Variants in ERC2 observed in about 807,000 individuals in gnomAD.
ERC2 encodes ELKS/RAB6-interacting/CAST family member 2, also known as ERC protein 2.
ERC2 carries 42 observed loss-of-function variants against 114.8 expected under a neutral mutation model. The ratio of observed to expected loss-of-function variants is 0.37; its 90% CI spans 0.29 to 0.47. The LOEUF (loss-of-function observed/expected upper bound fraction) is 0.47. Among genes scored for constraint, ERC2 ranks in the 20% least tolerant of loss-of-function variants. The probability of loss-of-function intolerance (pLI) is 0.99; values close to 1 mark genes in which losing one functional copy is unlikely to be tolerated. For missense variants in ERC2, 939 were observed against 1,150.7 expected, an observed-to-expected ratio of 0.82 and a Z score of 2.66; for synonymous variants, 454 against 425.5, an observed-to-expected ratio of 1.07 and a Z score of -0.82.
chr3:55,715,838 A>G (rs918625494), intron 15 of ERC2, among the ~76,000 whole-genome samples: 4 of 152,206 alleles, frequency 2.6e-5, no homozygotes, highest in African/African-American at 9.6e-5. Flanking sequence ...TCAAGGGAAT[A>G]TACTTCAAAT....
At chr3:56,113,741 C>T (rs558542312) in intron 6 of ERC2, among the ~76,000 whole-genome samples, 17 of 152,316 alleles carry the variant, frequency 1.1e-4, no homozygotes, top group Non-Finnish European at 1.8e-4. Flanking sequence ...GCCCCCCACC[C>T]TCCCACTTCA....
At chr3:56,001,641 T>A (rs949018084) in intron 10 of ERC2, among the ~76,000 whole-genome samples, 2 of 152,130 alleles carry the variant, frequency 1.3e-5, no homozygotes, top group Non-Finnish European at 2.9e-5. Context: ...GTCACTGATA[T>A]TTCTAGAAAT....
chr3:56,353,289 C>T (rs2058619181), intron 2 of ERC2, among the ~76,000 whole-genome samples: 1 of 151,942 alleles, frequency 6.6e-6, no homozygotes, highest in Non-Finnish European at 1.5e-5. Context: ...GAAGCTGTCC[C>T]AAGGAGGCTC....
intron 1 of ERC2, among the ~76,000 whole-genome samples, chr3:56,444,840 T>C (rs1268531804): frequency 2.0e-5 from 3 of 152,180 alleles, no homozygotes; most frequent in African/African-American, 7.2e-5. Flanking sequence ...CAACTTAAAA[T>C]ATCCTTTTTT....
intron 2 of ERC2, among the ~76,000 whole-genome samples, chr3:56,419,961 T>C (rs2061324083): frequency 6.6e-6 from 1 of 152,188 alleles, no homozygotes; most frequent in African/African-American, 2.4e-5. Flanking sequence ...AAGCAAGTTC[T>C]AAATCTGGCC....
At chr3:56,191,909 C>T (rs2047814474) in intron 3 of ERC2, among the ~76,000 whole-genome samples, 1 of 152,130 alleles carries the variant, frequency 6.6e-6, no homozygotes, top group South Asian at 2.1e-4. Context: ...TTCCTCCCAT[C>T]CTGTACTTTG....
intron 13 of ERC2, among the ~76,000 whole-genome samples, chr3:55,909,284 C>T (rs1453107220): frequency 6.6e-6 from 1 of 152,216 alleles, no homozygotes; most frequent in Non-Finnish European, 1.5e-5. Flanking sequence ...TCCTTGGCCA[C>T]ATCAGGACAG....
chr3:55,674,629 G>A (rs2061701182), intron 17 of ERC2, among the ~76,000 whole-genome samples: 1 of 152,180 alleles, frequency 6.6e-6, no homozygotes, highest in African/African-American at 2.4e-5. Context: ...GATACAATGT[G>A]CAGCGAGGGG....
At chr3:55,860,962 C>T (rs1417873550) in intron 14 of ERC2, among the ~76,000 whole-genome samples, 5 of 152,288 alleles carry the variant, frequency 3.3e-5, no homozygotes, top group South Asian at 4.2e-4. Context: ...CAGTCTGCAA[C>T]GGGGGAAATC....
intron 2 of ERC2, among the ~76,000 whole-genome samples, chr3:56,426,636 C>T (rs2061579978): frequency 6.6e-6 from 1 of 152,176 alleles, no homozygotes; most frequent in Non-Finnish European, 1.5e-5. Context: ...GTACATTTGG[C>T]ATCTGTGATC....
At chr3:56,275,694 A>T (rs1251142158) in intron 3 of ERC2, among the ~76,000 whole-genome samples, 1 of 152,088 alleles carries the variant, frequency 6.6e-6, no homozygotes, top group Non-Finnish European at 1.5e-5. Flanking sequence ...TAGCTAGCAA[A>T]CTCCCAGAAG....
intron 17 of ERC2, among the ~76,000 whole-genome samples, chr3:55,604,204 C>T (rs561664539): frequency 6.6e-6 from 1 of 152,188 alleles, no homozygotes; most frequent in African/African-American, 2.4e-5. Context: ...AGGGCCAGAT[C>T]TGTGTGAAGT....
chr3:56,163,009 C>T (rs1342831809), intron 4 of ERC2, among the ~76,000 whole-genome samples: 1 of 151,990 alleles, frequency 6.6e-6, no homozygotes, highest in Non-Finnish European at 1.5e-5. Context: ...CTTAGCACTA[C>T]AAACTTTCCT....
chr3:56,065,931 C>G (rs2076459261), intron 7 of ERC2, among the ~76,000 whole-genome samples: 1 of 152,142 alleles, frequency 6.6e-6, no homozygotes, highest in Non-Finnish European at 1.5e-5. Flanking sequence ...ACCACATTTT[C>G]TTTATCCAGT....
chr3:56,254,646 G>A (rs543121496), intron 3 of ERC2, among the ~76,000 whole-genome samples: 11 of 152,260 alleles, frequency 7.2e-5, no homozygotes, highest in African/African-American at 2.4e-4. Context: ...GTCCCGGGCC[G>A]GGATCTGAAA....
At chr3:56,287,085 A>G (rs1224833366) in intron 3 of ERC2, among the ~76,000 whole-genome samples, 1 of 152,190 alleles carries the variant, frequency 6.6e-6, no homozygotes, top group Non-Finnish European at 1.5e-5. Context: ...TGGAAACCCA[A>G]ATAAAGTAGC....
chr3:55,958,714 G>A lies in ERC2; in HGVS notation c.2268-8154C>T, dbSNP rs142264048. Among the ~76,000 whole-genome samples the A allele has an allele frequency of 2.3e-3, 343 of 152,380 alleles. 1 individual carries two copies. The highest frequency in any genetic ancestry group is 7.8e-3 in the African/African-American group (325 of 41,598). On this transcript the variant is annotated intron_variant, in intron 12 of 17. Coordinates refer to ENST00000288221, the MANE Select transcript of ERC2 (RefSeq NM_015576.3). ...AGCTGGAGTGTCAGTGCTGCCCTGA[G>A]CATGCGCGCACCTGGCCAGGTTGCA...
At chr3:56,255,346 C>T (rs1359821124) in intron 3 of ERC2, among the ~76,000 whole-genome samples, 1 of 152,204 alleles carries the variant, frequency 6.6e-6, no homozygotes, top group Non-Finnish European at 1.5e-5. Flanking sequence ...TCCTTCTCAT[C>T]CCCATCCTGG....
At chr3:55,630,992 C>G (rs1230806945) in intron 17 of ERC2, among the ~76,000 whole-genome samples, 1 of 151,764 alleles carries the variant, frequency 6.6e-6, no homozygotes, top group African/African-American at 2.4e-5. Context: ...TGGAAGGTAA[C>G]AACTTCCAGA....
Sources: gnomAD v4.1 joint callset for allele counts (sites outside exome capture counted in the v4.1 genomes callset) on GRCh38, gnomAD v4.1.1 for gene constraint, MANE v1.5 for transcripts, NCBI Gene and HGNC (gene_info 2026-07-23, HGNC 2026-07-21) for gene names.